METTL15: variants seen among roughly 807,000 people sequenced by gnomAD.
METTL15 encodes 12S rRNA N(4)-cytidine methyltransferase METTL15.
METTL15 carries 34 observed loss-of-function variants against 38.3 expected under a neutral mutation model. The ratio of observed to expected loss-of-function variants is 0.89; its 90% confidence interval spans 0.68 to 1.18. The LOEUF (loss-of-function observed/expected upper bound fraction) is 1.18. METTL15 is among the 50% of genes most tolerant of loss of function. The pLI is 0.00. For missense variants in METTL15, 438 were observed against 498.4 expected (o/e 0.88, Z 1.15); for synonymous variants, 162 against 170.9 (o/e 0.95, Z 0.41).
At chr11:28,489,647 T>C (rs1590392419) in intron 6 of METTL15, among the ~76,000 whole-genome samples, 1 of 152,024 alleles carries the variant, frequency 6.6e-6, no homozygotes, top group East Asian at 1.9e-4. Flanking sequence ...CCACTCATTG[T>C]TGGAGAAGTT....
chr11:28,246,189 T>A (rs777871820), intron 4 of METTL15, among the ~76,000 whole-genome samples: 2 of 152,120 alleles, frequency 1.3e-5, no homozygotes, highest in Non-Finnish European at 2.9e-5. Flanking sequence ...AAGAAAATAA[T>A]TTGAATGTTC....
At chr11:28,180,803 A>G (rs944871465) in intron 3 of METTL15, among the ~76,000 whole-genome samples, 6 of 151,910 alleles carry the variant, frequency 3.9e-5, no homozygotes, top group East Asian at 3.9e-4. Flanking sequence ...TAATTTTTTT[A>G]GGTTTTCGAC....
intron 4 of METTL15, among the ~76,000 whole-genome samples, chr11:28,276,794 T>A (rs1440610351): frequency 6.6e-6 from 1 of 152,198 alleles, no homozygotes; most frequent in African/African-American, 2.4e-5. Flanking sequence ...AGCCAGCTGA[T>A]CTTTGACAAA....
chr11:28,425,445 A>G (rs1850855485), intron 6 of METTL15, among the ~76,000 whole-genome samples: 2 of 152,280 alleles, frequency 1.3e-5, no homozygotes, highest in South Asian at 4.1e-4. Context: ...ATCGTTTTAT[A>G]TACTCTAAAC....
intron 4 of METTL15, among the ~76,000 whole-genome samples, chr11:28,353,754 T>C (rs552194507): frequency 6.6e-6 from 1 of 150,538 alleles, no homozygotes; most frequent in South Asian, 2.1e-4. Flanking sequence ...TGAAACCCCG[T>C]CTCTACTAAA....
intron 6 of METTL15, among the ~76,000 whole-genome samples, chr11:28,302,618 T>G (rs1856951202): frequency 6.6e-6 from 1 of 152,152 alleles, no homozygotes; most frequent in African/African-American, 2.4e-5. Flanking sequence ...GTGAGGCCTC[T>G]CCAGCCATTT....
At chr11:28,307,711 T>C (rs572596415) in intron 6 of METTL15, among the ~76,000 whole-genome samples, 3 of 152,124 alleles carry the variant, frequency 2.0e-5, no homozygotes, top group African/African-American at 7.2e-5. Context: ...ACACATATTA[T>C]GTATCGACTT....
downstream of METTL15, among the ~76,000 whole-genome samples, chr11:28,530,508 A>G (rs1212476109): frequency 1.3e-5 from 2 of 152,138 alleles, no homozygotes; most frequent in Non-Finnish European, 2.9e-5. Flanking sequence ...TGATAAATGT[A>G]TAACAACTGT....
chr11:28,164,819 G>A (rs1222518184), intron 3 of METTL15, among the ~76,000 whole-genome samples: 1 of 151,968 alleles, frequency 6.6e-6, no homozygotes, highest in Non-Finnish European at 1.5e-5. Flanking sequence ...CTGTCTTACT[G>A]AAACTTTGTA....
At chr11:28,401,315 C>A (rs1032064382) in intron 5 of METTL15, among the ~76,000 whole-genome samples, 3 of 151,918 alleles carry the variant, frequency 2.0e-5, no homozygotes, top group African/African-American at 4.8e-5. Context: ...TTGGAGGGGA[C>A]TTTACCCATA....
intron 4 of METTL15, among the ~76,000 whole-genome samples, chr11:28,218,451 A>AT (rs1853013924): frequency 6.6e-6 from 1 of 152,108 alleles, no homozygotes; most frequent in Non-Finnish European, 1.5e-5. Context: ...GCTTAAAGAG[A>AT]TTTTGGGCTG....
chr11:28,387,495 A>C (rs1167673700), intron 5 of METTL15, among the ~76,000 whole-genome samples: 1 of 151,986 alleles, frequency 6.6e-6, no homozygotes, highest in African/African-American at 2.4e-5. Flanking sequence ...CCGAATTATA[A>C]AAAAATAAAA....
In METTL15 at chr11:28,501,768, G is replaced by T. The variant is rs367616037; in HGVS notation, c.*425-24710G>T. Among the ~76,000 whole-genome samples the T allele has an allele frequency of 1.8e-4, 27 of 152,216 alleles. No individual in the cohort carries two copies. The East Asian group carries it at 2.7e-3, about 15-fold the overall frequency. On this transcript the variant is annotated intron_variant and NMD_transcript_variant, in intron 6 of 7. Coordinates refer to the METTL15 transcript ENST00000532947. ...AATCCGTATCACCCACTGTGCAGTA[G>T]ATATGAGCAAGAACCCTGAGGGTAC...
chr11:28,273,907 C>T (rs190013199), intron 4 of METTL15, among the ~76,000 whole-genome samples: 1 of 151,984 alleles, frequency 6.6e-6, no homozygotes, highest in Non-Finnish European at 1.5e-5. Context: ...TGCAGATTTC[C>T]GTCTAATCAC....
At position 28,321,862 on chromosome 11, in the gene METTL15, G is replaced by A. The variant is rs187504388; in HGVS notation, c.779-8534G>A. On this transcript the variant is annotated intron_variant, in intron 6 of 6. Coordinates refer to ENST00000407364, the MANE Select transcript of METTL15 (RefSeq NM_001113528.2). ...GTATTTGCAGAAAAATAGGAGAAACGCATCAATGGAACACAATTGAGAATC... is the reference window on the plus strand; with the variant it reads ...GTATTTGCAGAAAAATAGGAGAAACACATCAATGGAACACAATTGAGAATC... Among the ~76,000 whole-genome samples, 310 of 149,182 alleles carry A rather than the reference G, an allele frequency of 2.1e-3. 3 individuals carry two copies. The East Asian group carries it at 0.043, about 21-fold the overall frequency.
In METTL15 at chr11:28,330,850, C is replaced by G; in HGVS notation, c.*9C>G. On this transcript the variant is annotated 3_prime_UTR_variant, in exon 7 of 7. Transcript: ENST00000407364. The stretch of plus-strand genomic sequence containing the variant: ...CAGCTATCAAATTATAAGTTATCAT[C>G]ATCTTATTCTTCAAATTTTTTTCTC... The G allele has an allele frequency of 6.6e-7, 1 of 1,514,230 alleles. No individual in the cohort carries two copies. The highest frequency in any genetic ancestry group is 8.8e-7 in the Non-Finnish European group (1 of 1,132,852). The allele number at this position is 1,514,230 out of a possible 1,614,324, so 93.8% of individuals were successfully genotyped here.
At chr11:28,178,522 A>G (rs1378592527) in intron 3 of METTL15, among the ~76,000 whole-genome samples, 1 of 150,754 alleles carries the variant, frequency 6.6e-6, no homozygotes, top group Non-Finnish European at 1.5e-5. Context: ...AATATCTACC[A>G]GTTGACATTC....
chr11:28,188,442 C>T (rs1851585266), intron 3 of METTL15, among the ~76,000 whole-genome samples: 1 of 151,102 alleles, frequency 6.6e-6, no homozygotes, highest in African/African-American at 2.4e-5. Flanking sequence ...AATTTTATTG[C>T]TCTGAATGAA....
At chr11:28,198,058 C>G (rs1851974874) in intron 3 of METTL15, among the ~76,000 whole-genome samples, 2 of 152,004 alleles carry the variant, frequency 1.3e-5, no homozygotes, top group African/African-American at 4.8e-5. Flanking sequence ...AAGTACCTCT[C>G]CAGCATTCTT....
Sources: allele counts gnomAD v4.1 joint callset (sites outside exome capture counted in the v4.1 genomes callset), GRCh38; gene constraint gnomAD v4.1.1; transcripts MANE v1.5; gene names NCBI Gene and HGNC (gene_info 2026-07-23, HGNC 2026-07-21).